Variants in KSR2 observed in about 807,000 individuals in gnomAD.
KSR2 encodes the protein kinase suppressor of ras 2.
In KSR2, 25 loss-of-function variants were observed where a neutral mutation model predicts 107.8. The observed-to-expected ratio is 0.23, with a 90% confidence interval of 0.17 to 0.32. The LOEUF (loss-of-function observed/expected upper bound fraction) is 0.32, where lower values mean the gene tolerates loss of function less well. KSR2 is among the 10% of genes least tolerant of loss of function. The pLI, the probability that KSR2 is intolerant of heterozygous loss-of-function variation, is 1.00. For missense variants in KSR2, 887 were observed against 1,268.9 expected, an observed-to-expected ratio of 0.70 and a Z score of 4.57; for synonymous variants, 480 against 507.0, an observed-to-expected ratio of 0.95 and a Z score of 0.71.
chr12:117,765,022 A>T (rs1299198995), intron 3 of KSR2, among the ~76,000 whole-genome samples: 1 of 152,222 alleles, frequency 6.6e-6, no homozygotes, highest in African/African-American at 2.4e-5. Context: ...AATATCTGCT[A>T]TTTAAAGAGT....
chr12:117,502,970 C>T (rs1440070181), intron 14 of KSR2, among the ~76,000 whole-genome samples: 3 of 151,972 alleles, frequency 2.0e-5, no homozygotes, highest in Non-Finnish European at 4.4e-5. Context: ...GATATTGGGG[C>T]GGACACTGAG....
At chr12:117,494,309 A>T (rs1039811333) in intron 14 of KSR2, among the ~76,000 whole-genome samples, 1 of 152,074 alleles carries the variant, frequency 6.6e-6, no homozygotes, top group African/African-American at 2.4e-5. Flanking sequence ...ACCTACCTAG[A>T]CCCCATAGGT....
At chr12:117,688,177 C>T (rs560672536) in intron 4 of KSR2, among the ~76,000 whole-genome samples, 90 of 152,244 alleles carry the variant, frequency 5.9e-4, no homozygotes, top group Non-Finnish European at 1.0e-3. Flanking sequence ...GTCAGGAGTT[C>T]GATACCAGCC....
chr12:117,474,904 G>A (rs369466392), intron 17 of KSR2, among the ~76,000 whole-genome samples: 6 of 152,058 alleles, frequency 3.9e-5, no homozygotes, highest in East Asian at 3.9e-4. Flanking sequence ...CTGCTGCACC[G>A]CCATGGTCTC....
chr12:117,690,514 G>A (rs186694152), intron 4 of KSR2, among the ~76,000 whole-genome samples: 8 of 151,298 alleles, frequency 5.3e-5, no homozygotes, highest in East Asian at 3.9e-4. Context: ...GCAGTGAGCC[G>A]AGATCACACC....
chr12:117,916,132 CTTCTTTT>C (rs1895165306), intron 1 of KSR2, among the ~76,000 whole-genome samples: 1 of 125,702 alleles, frequency 8.0e-6, no homozygotes, highest in Admixed American at 8.1e-5. Flanking sequence ...TTTATTTCTT[CTTCTTTT>C]TTTTTTTTTT....
rs997116934 is a variant in KSR2 at position 117,457,116 on chromosome 12, C to A, written c.*10083G>T. 4 of 152,248 alleles carry A rather than the reference C, an allele frequency of 2.6e-5. No homozygotes were observed. Among genetic ancestry groups the A allele is most frequent in the Non-Finnish European group, 5.9e-5 (4 of 68,050 alleles). The allele number at this position is 152,248 out of a possible 1,614,324, so 9.4% of individuals were successfully genotyped here. On this transcript the variant is annotated 3_prime_UTR_variant, in exon 20 of 20. Transcript: ENST00000339824. ...TGGAGAGAATGACTGGAGATTTCAG[C>A]CCCTGTCCGTGCAGACGGTGAAAGG... is the stretch of plus-strand genomic sequence containing the variant.
At chr12:117,895,651 A>G (rs1428719323) in intron 1 of KSR2, among the ~76,000 whole-genome samples, 2 of 152,210 alleles carry the variant, frequency 1.3e-5, no homozygotes, top group Non-Finnish European at 2.9e-5. Flanking sequence ...AATATTGTGG[A>G]GCTGCTGTGG....
At chr12:117,764,011 T>C (rs1211959729) in intron 3 of KSR2, among the ~76,000 whole-genome samples, 1 of 152,130 alleles carries the variant, frequency 6.6e-6, no homozygotes, top group African/African-American at 2.4e-5. Context: ...ATAATTACTA[T>C]AACGACTGTA....
intron 8 of KSR2, among the ~76,000 whole-genome samples, chr12:117,556,888 C>T (rs1877739274): frequency 6.6e-6 from 1 of 152,138 alleles, no homozygotes. Context: ...GCATATGGGC[C>T]AGGCGCGGTG....
chr12:117,825,873 G>T (rs760589021), intron 3 of KSR2, among the ~76,000 whole-genome samples: 1 of 149,152 alleles, frequency 6.7e-6, no homozygotes, highest in Non-Finnish European at 1.5e-5. Context: ...GTTGATGGAC[G>T]GACAGATGCA....
At chr12:117,919,540 CT>C (rs907877217) in intron 1 of KSR2, among the ~76,000 whole-genome samples, 13 of 152,202 alleles carry the variant, frequency 8.5e-5, no homozygotes, top group African/African-American at 3.1e-4. Context: ...CTAAAATGAC[CT>C]TTCATAAGAA....
chr12:117,772,634 G>GCA (rs746127783), intron 3 of KSR2, among the ~76,000 whole-genome samples: 2 of 95,780 alleles, frequency 2.1e-5, no homozygotes, highest in African/African-American at 4.1e-5. Flanking sequence ...TCCCAAAGAC[G>GCA]CACACACACA....
intron 7 of KSR2, among the ~76,000 whole-genome samples, chr12:117,570,064 G>A (rs1489651047): frequency 6.6e-6 from 1 of 151,234 alleles, no homozygotes; most frequent in Admixed American, 6.6e-5. Flanking sequence ...GTGCAGTGGC[G>A]TGATCCCGGC....
At chr12:117,901,291 CT>C (rs1477038315) in intron 1 of KSR2, among the ~76,000 whole-genome samples, 3 of 151,450 alleles carry the variant, frequency 2.0e-5, no homozygotes, top group South Asian at 2.1e-4. Context: ...TAATGCCATA[CT>C]TTTTTTTCTT....
chr12:117,813,285 G>T (rs983139120), intron 3 of KSR2, among the ~76,000 whole-genome samples: 1 of 151,264 alleles, frequency 6.6e-6, no homozygotes, highest in Non-Finnish European at 1.5e-5. Context: ...ATAGACAAAT[G>T]GGATTATATC....
chr12:117,791,716 A>G (rs1005870564), intron 3 of KSR2, among the ~76,000 whole-genome samples: 1 of 152,148 alleles, frequency 6.6e-6, no homozygotes, highest in Non-Finnish European at 1.5e-5. Flanking sequence ...TGAATGGGAC[A>G]TGGTGATGAG....
intron 4 of KSR2, among the ~76,000 whole-genome samples, chr12:117,670,196 A>C (rs1884845077): frequency 6.6e-6 from 1 of 152,158 alleles, no homozygotes; most frequent in Non-Finnish European, 1.5e-5. Flanking sequence ...GACATTTAAA[A>C]TTTTTCAACT....
rs1455169123 is a variant in KSR2, at chr12:117,723,024, A to G, written c.986+37987T>C. ...CTCTATGTCTAGGTGACCACCAGAAAAAGGACCAAAGGGGTGCCATTCAGG... is the reference window on the plus strand; with the variant it reads ...CTCTATGTCTAGGTGACCACCAGAAGAAGGACCAAAGGGGTGCCATTCAGG... On this transcript the variant is annotated intron_variant, in intron 4 of 19. Coordinates refer to ENST00000339824, the MANE Select transcript of KSR2 (RefSeq NM_173598.6). Among the ~76,000 whole-genome samples, 8 of 152,210 alleles carry G rather than the reference A, an allele frequency of 5.3e-5. No homozygotes were observed. In the East Asian group the frequency reaches 1.5e-3, roughly 29 times the overall value.
Sources: gnomAD v4.1 joint callset for allele counts (sites outside exome capture counted in the v4.1 genomes callset) on GRCh38, gnomAD v4.1.1 for gene constraint, MANE v1.5 for transcripts, NCBI Gene and HGNC (gene_info 2026-07-23, HGNC 2026-07-21) for gene names.